Variants in GPC5 observed in about 807,000 individuals in gnomAD.
GPC5 encodes the protein glypican-5.
Under a neutral mutation model 53.9 loss-of-function variants are expected in GPC5, and 47 were observed. The observed-to-expected ratio is 0.87, with a 90% confidence interval of 0.69 to 1.11. The LOEUF is 1.11. GPC5 is among the 50% of genes most tolerant of loss of function. GPC5 has a pLI of 0.00. For missense variants in GPC5, 748 were observed against 713.1 expected, an observed-to-expected ratio of 1.05 and a Z score of -0.56; for synonymous variants, 286 against 263.3, an observed-to-expected ratio of 1.09 and a Z score of -0.84.
At chr13:92,419,357 C>T (rs1448012315) in intron 7 of GPC5, among the ~76,000 whole-genome samples, 2 of 152,090 alleles carry the variant, frequency 1.3e-5, no homozygotes, top group South Asian at 2.1e-4. Context: ...CCTTTCATAA[C>T]GCATCACTCT....
In GPC5 at chr13:92,174,910, C is replaced by T. The variant is rs1337357387; in HGVS notation, c.1561+29921C>T. Among the ~76,000 whole-genome samples, 3 of 152,184 alleles carry T rather than the reference C, an allele frequency of 2.0e-5. No individual in the cohort carries two copies. In the East Asian group the frequency reaches 5.8e-4, roughly 29 times the overall value. On this transcript the variant is annotated intron_variant, in intron 7 of 7. Transcript: ENST00000377067. The stretch of plus-strand genomic sequence containing the variant: ...TATAGCCCAGGCTGGAGTGCAGTGG[C>T]CCCTTCTCAGCTCATCGCAACCTCT...
intron 7 of GPC5, among the ~76,000 whole-genome samples, chr13:92,292,522 G>C (rs2043005072): frequency 6.6e-6 from 1 of 151,900 alleles, no homozygotes; most frequent in Non-Finnish European, 1.5e-5. Flanking sequence ...TTTTTGATGG[G>C]ATTTTTTTTT....
chr13:92,642,901 G>A (rs1389379519), intron 7 of GPC5, among the ~76,000 whole-genome samples: 1 of 152,160 alleles, frequency 6.6e-6, no homozygotes, highest in African/African-American at 2.4e-5. Flanking sequence ...ATTTTAAGGA[G>A]GTTGGCTAAC....
At chr13:91,568,316 A>ACTGAAT (rs2031627263) in intron 2 of GPC5, among the ~76,000 whole-genome samples, 1 of 152,148 alleles carries the variant, frequency 6.6e-6, no homozygotes, top group Non-Finnish European at 1.5e-5. Flanking sequence ...ATCCAGAACT[A>ACTGAAT]CTGAATCTGA....
rs563193388 is a variant in GPC5, at chr13:91,742,994, C to T, written c.1155-13301C>T. On this transcript the variant is annotated intron_variant, in intron 4 of 7. Coordinates refer to ENST00000377067, the MANE Select transcript of GPC5 (RefSeq NM_004466.6). The stretch of plus-strand genomic sequence containing the variant: ...TTCTGTTTCTATGTAGGCGCTTTGC[C>T]GAAGAGCTAGAAGCTTTTAGTAATG... Among the ~76,000 whole-genome samples the T allele has an allele frequency of 5.7e-4, 86 of 152,120 alleles. 1 individual carries two copies. The South Asian group carries it at 0.015, about 26-fold the overall frequency.
chr13:91,478,622 G>A (rs1006739951), intron 2 of GPC5, among the ~76,000 whole-genome samples: 13 of 150,570 alleles, frequency 8.6e-5, no homozygotes, highest in South Asian at 8.4e-4. Context: ...TTTTATTAAA[G>A]TATTTCCCTT....
chr13:92,084,147 A>G (rs1429719826), intron 6 of GPC5, among the ~76,000 whole-genome samples: 1 of 152,178 alleles, frequency 6.6e-6, no homozygotes, highest in East Asian at 1.9e-4. Context: ...AAGGGAGAGC[A>G]TCAGGATAAA....
In GPC5 at chr13:91,733,261, G is replaced by A. The variant is rs150404613; in HGVS notation, c.1154+4596G>A. 5.7e-3 allele frequency among the ~76,000 whole-genome samples: 861 copies of A among 151,962 alleles called. 2 individuals carry two copies. The highest frequency in any genetic ancestry group is 0.018 in the African/African-American group (730 of 41,462). ...AAGCAATTCTCCTGCCTCAGCTTCCGAGTAGCTGGGATTACAGCATGCACC... is the reference window on the plus strand; with the variant it reads ...AAGCAATTCTCCTGCCTCAGCTTCCAAGTAGCTGGGATTACAGCATGCACC... On this transcript the variant is annotated intron_variant, in intron 4 of 7. Transcript: ENST00000377067.
intron 5 of GPC5, among the ~76,000 whole-genome samples, chr13:91,847,348 A>T (rs2038862812): frequency 6.6e-6 from 1 of 151,560 alleles, no homozygotes; most frequent in Non-Finnish European, 1.5e-5. Context: ...ATGTATCTTT[A>T]TTATAATTGT....
intron 7 of GPC5, among the ~76,000 whole-genome samples, chr13:92,713,347 C>T (rs921687636): frequency 1.3e-5 from 2 of 151,062 alleles, no homozygotes; most frequent in African/African-American, 4.9e-5. Flanking sequence ...AATCCCAGCA[C>T]TTTGGGAGGC....
At chr13:91,571,484 A>G (rs569425844) in intron 2 of GPC5, among the ~76,000 whole-genome samples, 4 of 152,122 alleles carry the variant, frequency 2.6e-5, no homozygotes, top group South Asian at 2.1e-4. Context: ...TGAAAATTTT[A>G]TGTGTAAAAA....
intron 6 of GPC5, among the ~76,000 whole-genome samples, chr13:92,052,986 C>T (rs1479789797): frequency 6.6e-6 from 1 of 152,128 alleles, no homozygotes; most frequent in Admixed American, 6.5e-5. Context: ...GAAGAGGAAA[C>T]AGAATTTTAC....
intron 7 of GPC5, among the ~76,000 whole-genome samples, chr13:92,631,422 C>G (rs537793183): frequency 6.6e-6 from 1 of 151,952 alleles, no homozygotes; most frequent in Non-Finnish European, 1.5e-5. Flanking sequence ...GGTTAACATG[C>G]TAGCTATGTA....
At chr13:92,081,426 A>T (rs760659300) in intron 6 of GPC5, among the ~76,000 whole-genome samples, 20 of 152,362 alleles carry the variant, frequency 1.3e-4, no homozygotes, top group Middle Eastern at 3.4e-3. Context: ...TGTTCGCAGA[A>T]CATAGCAAAG....
chr13:92,403,204 G>A (rs898148271), intron 7 of GPC5, among the ~76,000 whole-genome samples: 2 of 152,126 alleles, frequency 1.3e-5, no homozygotes, highest in Non-Finnish European at 2.9e-5. Context: ...AAATATTAAT[G>A]GTGGATGTTT....
intron 7 of GPC5, among the ~76,000 whole-genome samples, chr13:92,834,035 G>A (rs973629276): frequency 2.6e-5 from 4 of 152,130 alleles, no homozygotes; most frequent in Admixed American, 2.6e-4. Flanking sequence ...AGTCAGGAAA[G>A]CACCAATAAT....
At chr13:92,468,335 T>C (rs747254373) in intron 7 of GPC5, among the ~76,000 whole-genome samples, 7 of 152,102 alleles carry the variant, frequency 4.6e-5, no homozygotes, top group Non-Finnish European at 8.8e-5. Context: ...GAAGTGGGAA[T>C]AGAGAAAAGG....
chr13:92,753,877 G>C (rs1210287019), intron 7 of GPC5, among the ~76,000 whole-genome samples: 1 of 152,118 alleles, frequency 6.6e-6, no homozygotes, highest in Non-Finnish European at 1.5e-5. Context: ...AAGTGACAGG[G>C]AGAATGGAAC....
intron 5 of GPC5, among the ~76,000 whole-genome samples, chr13:91,834,805 G>A (rs9560867): frequency 0.051 from 7,730 of 152,006 alleles, 390 homozygotes; most frequent in East Asian, 0.22. Context: ...AGAAGAAAAC[G>A]TAGGCAATAC....
Sources: gnomAD v4.1 joint callset for allele counts (sites outside exome capture counted in the v4.1 genomes callset) on GRCh38, gnomAD v4.1.1 for gene constraint, MANE v1.5 for transcripts, NCBI Gene and HGNC (gene_info 2026-07-23, HGNC 2026-07-21) for gene names.